RASGEF1A: variants seen among roughly 807,000 people sequenced by gnomAD.
RASGEF1A encodes RasGEF domain family member 1A, also known as ras-GEF domain-containing family member 1A.
A neutral mutation model predicts 56.4 loss-of-function variants in RASGEF1A; 18 were observed. That is an observed-to-expected ratio of 0.32 (90% confidence interval 0.22 to 0.47). RASGEF1A has a LOEUF of 0.47. Ranked by LOEUF, RASGEF1A falls within the 20% of genes least tolerant of loss-of-function variation. The pLI, the probability that RASGEF1A is intolerant of heterozygous loss-of-function variation, is 1.00. For missense variants in RASGEF1A, 422 were observed against 627.1 expected (o/e 0.67, Z 3.49); for synonymous variants, 245 against 242.6 (o/e 1.01, Z -0.09).
chr10:43,203,892 G>A, intron 2 of RASGEF1A: 3 of 598,396 alleles, frequency 5.0e-6, no homozygotes, highest in South Asian at 1.4e-4. Context: ...TGATCCATGG[G>A]GCGGGGCCTC....
Position 43,200,273 on chromosome 10 carries a change from C to T in RASGEF1A, c.682-17G>A. The T allele has an allele frequency of 1.3e-6, 2 of 1,594,008 alleles. No individual in the cohort carries two copies. Among genetic ancestry groups the T allele is most frequent in the Non-Finnish European group, 1.7e-6 (2 of 1,168,194 alleles). ...GACCCTGTCCTGGGGTGGAAGATAGCAAAGGGAAGGTGACAAGCTTCCCCT... is the reference window on the plus strand; with the variant it reads ...GACCCTGTCCTGGGGTGGAAGATAGTAAAGGGAAGGTGACAAGCTTCCCCT... On this transcript the variant is annotated splice_polypyrimidine_tract_variant and intron_variant, in intron 5 of 12. Transcript: ENST00000395810.
At chr10:43,225,730 C>T (rs879312170) in intron 1 of RASGEF1A, among the ~76,000 whole-genome samples, 6 of 152,156 alleles carry the variant, frequency 3.9e-5, no homozygotes, top group African/African-American at 7.2e-5. Context: ...CCCAAAACAC[C>T]ACACCACTGC....
At chr10:43,222,519 G>A (rs773955090) in intron 1 of RASGEF1A, among the ~76,000 whole-genome samples, 1 of 152,166 alleles carries the variant, frequency 6.6e-6, no homozygotes, top group Non-Finnish European at 1.5e-5. Flanking sequence ...CAAAAGGAGC[G>A]GCTTCAGAGC....
chr10:43,212,718 T>C lies in RASGEF1A; in HGVS notation c.-6-6596A>G, dbSNP rs558944586. ...TCTGCTCAGCCTGGGTGAGGGACTG[T>C]GGGAACACAGCCCTGGATCTCCAGG... On this transcript the variant is annotated intron_variant, in intron 1 of 12. Transcript: ENST00000395810. Among the ~76,000 whole-genome samples the C allele has an allele frequency of 2.6e-5, 4 of 152,320 alleles. No individual in the cohort carries two copies. In the South Asian group the frequency reaches 8.3e-4, roughly 32 times the overall value.
chr10:43,209,261 AC>A (rs1309758321), intron 1 of RASGEF1A: 1 of 964,888 alleles, frequency 1.0e-6, no homozygotes, highest in Non-Finnish European at 1.2e-6. Context: ...CTTCCCAGTC[AC>A]CCCCTATGCT....
intron 1 of RASGEF1A, among the ~76,000 whole-genome samples, chr10:43,212,502 G>C (rs1194243557): frequency 6.6e-6 from 1 of 152,158 alleles, no homozygotes; most frequent in Non-Finnish European, 1.5e-5. Context: ...TGTGGGCCAG[G>C]CCTCCCATTG....
chr10:43,250,659 C>G (rs1016815933), intron 1 of RASGEF1A, among the ~76,000 whole-genome samples: 3 of 152,144 alleles, frequency 2.0e-5, no homozygotes, highest in African/African-American at 7.2e-5. Flanking sequence ...GGTCAGGCAC[C>G]CTAGAGGGTT....
At chr10:43,253,174 TC>T (rs1486729676) in intron 1 of RASGEF1A, among the ~76,000 whole-genome samples, 2 of 152,106 alleles carry the variant, frequency 1.3e-5, no homozygotes, top group Non-Finnish European at 2.9e-5. Flanking sequence ...GGTCCAGCCT[TC>T]CTGACACCCA....
intron 1 of RASGEF1A, among the ~76,000 whole-genome samples, chr10:43,209,713 C>G (rs1166311327): frequency 6.6e-6 from 1 of 152,142 alleles, no homozygotes; most frequent in Non-Finnish European, 1.5e-5. Context: ...AGAGATAGGG[C>G]TGTGGCGGGC....
At chr10:43,228,282 T>C (rs1353186019) in intron 1 of RASGEF1A, among the ~76,000 whole-genome samples, 2 of 152,100 alleles carry the variant, frequency 1.3e-5, no homozygotes, top group African/African-American at 4.8e-5. Flanking sequence ...GCAGGTCCTG[T>C]GCACACGTCT....
At chr10:43,197,973 C>T in intron 10 of RASGEF1A, 31 bp downstream of exon 10, 1 of 1,562,172 alleles carries the variant, frequency 6.4e-7, no homozygotes, top group South Asian at 1.2e-5. Context: ...ACAGTTTCCG[C>T]CTGGCCTGCC....
intron 1 of RASGEF1A, among the ~76,000 whole-genome samples, chr10:43,210,034 A>G (rs1243995343): frequency 2.0e-5 from 3 of 152,196 alleles, no homozygotes; most frequent in Non-Finnish European, 2.9e-5. Context: ...ATTGTCAAAG[A>G]GCAGATCTCA....
intron 3 of RASGEF1A, 129 bp from the exon 4 acceptor site, chr10:43,202,074 G>C (rs560383945): frequency 3.2e-5 from 33 of 1,027,326 alleles, no homozygotes; most frequent in Non-Finnish European, 4.2e-5. Flanking sequence ...CCCCAACTGC[G>C]TGCCACCTGC....
Position 43,200,191 on chromosome 10 carries a change from G to A in RASGEF1A, c.747C>T (p.Asp249=). 6.2e-7 allele frequency: 1 copy of A among 1,601,048 alleles called. No homozygotes were observed. The highest frequency in any genetic ancestry group is 8.5e-7 in the Non-Finnish European group (1 of 1,172,876). ...GCCTTGGCCCACTTACCCTGTGGTT[G>A]TCCAAGGAGTCCATGTGGCTGACGA... ...MQIVSHMDSL[D]NHRCRGDLTK... The change falls in exon 6 of 13, where the codon GAC becomes GAT. Residue 249 remains aspartate, a synonymous_variant. Transcript: ENST00000395810.
In RASGEF1A at chr10:43,200,822, G is replaced by A; in HGVS notation, c.526C>T (p.Arg176Trp). The A allele has an allele frequency of 2.5e-6, 4 of 1,613,938 alleles. No homozygotes were observed. The highest frequency in any genetic ancestry group is 1.1e-5 in the South Asian group (1 of 91,084). ...TQSLLLSLAA[R>W]SQLQELREKL... ...TCTCGCAGTTCCTGGAGCTGGCTCC[G>A]GGCAGCCAAGGACAGCAACAGGCTC... is the stretch of plus-strand genomic sequence containing the variant. The change falls in exon 5 of 13, where the codon CGG becomes TGG. Residue 176 changes from arginine (R) to tryptophan (W), a missense_variant. Around this residue, in one of 2 missense-constraint regions of RASGEF1A, gnomAD observed 273 missense variants for 339.9 expected, o/e 0.80. Coordinates refer to ENST00000395810, the MANE Select transcript of RASGEF1A (RefSeq NM_145313.4).
intron 1 of RASGEF1A, among the ~76,000 whole-genome samples, chr10:43,251,670 C>T (rs1269502768): frequency 1.3e-5 from 2 of 152,192 alleles, no homozygotes; most frequent in African/African-American, 2.4e-5. Flanking sequence ...GAGCAGACTG[C>T]GAAACGTGCT....
chr10:43,195,198 G>C lies in RASGEF1A; in HGVS notation c.*1046C>G, dbSNP rs979963485. The C allele has an allele frequency of 2.0e-5, 3 of 152,300 alleles. No individual in the cohort carries two copies. Among genetic ancestry groups the C allele is most frequent in the African/African-American group, 7.2e-5 (3 of 41,458 alleles). The allele number at this position is 152,300 out of a possible 1,614,324, so 9.4% of individuals were successfully genotyped here. ...CAGTAGGGCCCAGGGCTCACACCAC[G>C]AAGTCAGACATGGGAAAATGGAGTG... On this transcript the variant is annotated 3_prime_UTR_variant, in exon 13 of 13. Transcript: ENST00000395810. The surrounding 1 kb of genome is among the most constrained non-coding windows in gnomAD (Gnocchi z 4.2).
chr10:43,212,682 G>A (rs912071434), intron 1 of RASGEF1A, among the ~76,000 whole-genome samples: 2 of 152,254 alleles, frequency 1.3e-5, no homozygotes, highest in African/African-American at 4.8e-5. Flanking sequence ...AGTGAACACT[G>A]CTCCTGGGGC....
At chr10:43,255,098 G>T (rs1840673487) in intron 1 of RASGEF1A, among the ~76,000 whole-genome samples, 3 of 152,174 alleles carry the variant, frequency 2.0e-5, no homozygotes, top group African/African-American at 7.2e-5. Flanking sequence ...TCTCTGCCTG[G>T]CAGAGTCCAG....
Sources: gnomAD v4.1 joint callset for allele counts (sites outside exome capture counted in the v4.1 genomes callset) on GRCh38, gnomAD v4.1.1 for gene constraint, gnomAD v4.1.1 regional missense constraint, Gnocchi (gnomAD v3.1) non-coding constraint, MANE v1.5 for transcripts, NCBI Gene and HGNC (gene_info 2026-07-23, HGNC 2026-07-21) for gene names.